Variants in FOXJ3 observed in about 807,000 individuals in gnomAD.
The protein encoded by FOXJ3 is forkhead box J3.
A neutral mutation model predicts 76.1 loss-of-function variants in FOXJ3; 22 were observed. The ratio of observed to expected loss-of-function variants is 0.29; its 90% CI spans 0.21 to 0.41. FOXJ3 has a LOEUF of 0.41. FOXJ3 is among the 10% of genes least tolerant of loss of function. The pLI, the probability that FOXJ3 is intolerant of heterozygous loss-of-function variation, is 1.00. For missense variants in FOXJ3, 613 were observed against 762.1 expected, an observed-to-expected ratio of 0.80 and a Z score of 2.30; for synonymous variants, 269 against 261.2, an observed-to-expected ratio of 1.03 and a Z score of -0.29.
At chr1:42,237,405 C>T (rs867221954) in intron 4 of FOXJ3, among the ~76,000 whole-genome samples, 15 of 140,762 alleles carry the variant, frequency 1.1e-4, no homozygotes, top group East Asian at 8.1e-4. Flanking sequence ...TACATACATA[C>T]ATATATATAT....
chr1:42,204,013 G>A (rs1646812927), intron 6 of FOXJ3, among the ~76,000 whole-genome samples: 1 of 134,564 alleles, frequency 7.4e-6, no homozygotes, highest in African/African-American at 2.6e-5. Context: ...AAAAAAAAAA[G>A]TTGGATTCAC....
chr1:42,192,047 A>G (rs992834037), intron 8 of FOXJ3, among the ~76,000 whole-genome samples: 2 of 152,190 alleles, frequency 1.3e-5, no homozygotes, highest in African/African-American at 4.8e-5. Flanking sequence ...TCTTTTAAAG[A>G]CAGTGCCTGA....
At chr1:42,195,131 A>T in intron 7 of FOXJ3, 67 bp from the exon 8 acceptor site, 8 of 1,160,810 alleles carry the variant, frequency 6.9e-6, no homozygotes, top group Non-Finnish European at 8.5e-6. Flanking sequence ...GTTATATAAA[A>T]TATATAACTG....
rs1221044443 is a variant in FOXJ3, at chr1:42,291,070, AT to A, written c.45-12399del. Among the ~76,000 whole-genome samples, 39 of 148,696 alleles carry A rather than the reference AT, an allele frequency of 2.6e-4. 1 individual carries two copies. The East Asian group carries it at 6.3e-3, about 24-fold the overall frequency. On this transcript the variant is annotated intron_variant, in intron 2 of 12. Coordinates refer to ENST00000361346, the MANE Select transcript of FOXJ3 (RefSeq NM_014947.5). ...GATAGATAGATAGATAGATAGATAGATAGATAGATAGATAGACAGACAGACA... is the reference window on the plus strand; with the variant it reads ...GATAGATAGATAGATAGATAGATAGAAGATAGATAGATAGACAGACAGACA...
intron 4 of FOXJ3, among the ~76,000 whole-genome samples, chr1:42,264,349 A>G (rs1651309695): frequency 6.6e-6 from 1 of 152,146 alleles, no homozygotes; most frequent in Non-Finnish European, 1.5e-5. Flanking sequence ...CCTCCTGGAC[A>G]CTAAGGAATA....
chr1:42,231,866 T>C (rs945690406), intron 4 of FOXJ3, among the ~76,000 whole-genome samples: 4 of 152,206 alleles, frequency 2.6e-5, no homozygotes, highest in Non-Finnish European at 4.4e-5. Flanking sequence ...GTTACATATG[T>C]ATACATGTGC....
chr1:42,282,046 G>A (rs1319199427), intron 2 of FOXJ3, among the ~76,000 whole-genome samples: 4 of 150,072 alleles, frequency 2.7e-5, no homozygotes, highest in Admixed American at 1.3e-4. Flanking sequence ...GCAACAGAGC[G>A]AGACTCAGTC....
chr1:42,267,652 A>G (rs1005853434), intron 3 of FOXJ3, among the ~76,000 whole-genome samples: 1 of 152,126 alleles, frequency 6.6e-6, no homozygotes, highest in African/African-American at 2.4e-5. Flanking sequence ...CTCAGGTGTT[A>G]GAACTATCAG....
Position 42,188,752 on chromosome 1 carries a change from G to A in FOXJ3, c.1630C>T (p.Gln544Ter). The A allele has an allele frequency of 6.2e-7, 1 of 1,600,744 alleles. No homozygotes were observed. Among genetic ancestry groups the A allele is most frequent in the Non-Finnish European group, 8.5e-7 (1 of 1,172,524 alleles). ...AACCCCATACCTGTTCCAATGTGTT[G>A]GGAAGGTTTTGTTGGATGCATGGCA... ...HGAMHPTKPS[Q>*]HIGTGNLYID... The change falls in exon 11 of 13, where the codon CAA becomes TAA. Residue 544 changes from glutamine (Q) to a stop codon, truncating the protein, a stop_gained. Coordinates refer to ENST00000361346, the MANE Select transcript of FOXJ3 (RefSeq NM_014947.5). LOFTEE classifies it high-confidence loss of function.
At chr1:42,275,581 G>T (rs1652199326) in intron 3 of FOXJ3, among the ~76,000 whole-genome samples, 1 of 152,144 alleles carries the variant, frequency 6.6e-6, no homozygotes, top group South Asian at 2.1e-4. Flanking sequence ...AGGACCACTT[G>T]AGCCCAGGAG....
upstream of FOXJ3, chr1:42,335,270 ACCGCCTCCTGCGGCGTCGCTGCG>A (rs1476461456): frequency 6.6e-6 from 1 of 150,984 alleles, no homozygotes; most frequent in Admixed American, 6.6e-5. Context: ...CCTCGCCGCC[ACCGCCTCCTGCGGCGTCGCTGCG>A]CCGCCGGCCC....
chr1:42,202,623 G>A (rs1431677829), intron 6 of FOXJ3, among the ~76,000 whole-genome samples: 1 of 152,056 alleles, frequency 6.6e-6, no homozygotes, highest in Non-Finnish European at 1.5e-5. Flanking sequence ...TAACAAATAC[G>A]TATTGTAGGT....
chr1:42,328,419 G>A (rs541760688), intron 1 of FOXJ3, among the ~76,000 whole-genome samples: 42 of 152,306 alleles, frequency 2.8e-4, no homozygotes, highest in African/African-American at 9.9e-4. Flanking sequence ...CTAAGTTTGA[G>A]TCCCACTCTA....
intron 2 of FOXJ3, among the ~76,000 whole-genome samples, chr1:42,287,219 A>C (rs1184042523): frequency 1.3e-5 from 2 of 151,976 alleles, no homozygotes; most frequent in Non-Finnish European, 2.9e-5. Flanking sequence ...ATGCATCTGT[A>C]ATCCCAGCTA....
intron 2 of FOXJ3, among the ~76,000 whole-genome samples, chr1:42,305,754 G>T (rs555054236): frequency 5.9e-5 from 9 of 152,166 alleles, no homozygotes; most frequent in African/African-American, 2.2e-4. Flanking sequence ...AATGGTTAAC[G>T]GGTACAAAAA....
intron 6 of FOXJ3, among the ~76,000 whole-genome samples, chr1:42,202,444 T>C (rs1209507153): frequency 6.6e-6 from 1 of 152,110 alleles, no homozygotes; most frequent in Non-Finnish European, 1.5e-5. Context: ...TAGTGAGCTT[T>C]GGGGACAGTT....
chr1:42,261,190 T>C (rs576453851), intron 4 of FOXJ3, among the ~76,000 whole-genome samples: 3 of 149,550 alleles, frequency 2.0e-5, no homozygotes, highest in South Asian at 2.1e-4. Flanking sequence ...ATAAGACTTA[T>C]AACCCAAAGA....
chr1:42,300,359 C>T (rs968903026), intron 2 of FOXJ3, among the ~76,000 whole-genome samples: 2 of 152,136 alleles, frequency 1.3e-5, no homozygotes, highest in Non-Finnish European at 2.9e-5. Context: ...ATGCTTAGAA[C>T]TCCTTTCAGT....
intron 4 of FOXJ3, among the ~76,000 whole-genome samples, chr1:42,244,819 C>G (rs538308339): frequency 1.3e-5 from 2 of 152,180 alleles, no homozygotes; most frequent in African/African-American, 4.8e-5. Context: ...ATACAAGCTA[C>G]TAATACTGAA....
Sources: gnomAD v4.1 joint callset for allele counts (sites outside exome capture counted in the v4.1 genomes callset) on GRCh38, gnomAD v4.1.1 for gene constraint, MANE v1.5 for transcripts, NCBI Gene and HGNC (gene_info 2026-07-23, HGNC 2026-07-21) for gene names.